Variants in KIAA1671 observed in about 807,000 individuals in gnomAD.
The protein encoded by KIAA1671 is KIAA1671.
A neutral mutation model predicts 131.2 loss-of-function variants in KIAA1671; 52 were observed. That is an observed-to-expected ratio of 0.40 (90% CI 0.32 to 0.50). The LOEUF is 0.50. KIAA1671 is among the 20% of genes least tolerant of loss of function. The pLI is 0.73. For missense variants in KIAA1671, 2,360 were observed against 2,364.2 expected (o/e 1.00, Z 0.04); for synonymous variants, 1,003 against 961.6 (o/e 1.04, Z -0.80).
chr22:25,081,096 A>C (rs755252824), intron 6 of KIAA1671, among the ~76,000 whole-genome samples: 1 of 152,216 alleles, frequency 6.6e-6, no homozygotes, highest in Admixed American at 6.5e-5. Context: ...GCAAGGCAGA[A>C]GCTTGGGAGG....
At chr22:25,144,154 C>T (rs1052358211) in intron 6 of KIAA1671, among the ~76,000 whole-genome samples, 1 of 152,168 alleles carries the variant, frequency 6.6e-6, no homozygotes, top group East Asian at 1.9e-4. Flanking sequence ...CTTTCTCCTG[C>T]CCCTTCCCTT....
rs577953925 is a variant in KIAA1671, at chr22:24,979,354, A to ATTTTT, written c.-208+26585_-208+26586insTTTTT. On this transcript the variant is annotated intron_variant, in intron 1 of 12. Coordinates refer to ENST00000358431, the MANE Select transcript of KIAA1671 (RefSeq NM_001145206.2). Reference sequence around the variant, plus strand: ...ATTTATTTTATTTATTTATTTATTTATTTATTTTTTTTTGAGACGGAGTCT... The same window carrying ATTTTT: ...ATTTATTTTATTTATTTATTTATTTATTTTTTTTATTTTTTTTTGAGACGGAGTCT... Among the ~76,000 whole-genome samples, 8 of 117,846 alleles carry ATTTTT rather than the reference A, an allele frequency of 6.8e-5. No individual in the cohort carries two copies. The South Asian group carries it at 7.7e-4, about 11-fold the overall frequency. The allele number at this position is 117,846 out of a possible 152,430, so 77.3% of individuals were successfully genotyped here. A position where few individuals can be genotyped will look rare whatever the true frequency, so the allele number is the denominator to read the frequency against.
chr22:25,015,511 G>A (rs903137475), intron 1 of KIAA1671, among the ~76,000 whole-genome samples: 2 of 152,120 alleles, frequency 1.3e-5, no homozygotes, highest in Non-Finnish European at 2.9e-5. Context: ...AAGCAGAGGG[G>A]TAAAGATAAG....
intron 1 of KIAA1671, among the ~76,000 whole-genome samples, chr22:24,994,889 G>A (rs1222054634): frequency 6.6e-6 from 1 of 151,862 alleles, no homozygotes; most frequent in Non-Finnish European, 1.5e-5. Context: ...TGCATCTTTT[G>A]GGATGGAGTT....
chr22:24,971,921 G>A (rs913653406), intron 1 of KIAA1671, among the ~76,000 whole-genome samples: 1 of 152,114 alleles, frequency 6.6e-6, no homozygotes, highest in African/African-American at 2.4e-5. Flanking sequence ...CATGTTCCAG[G>A]GTGTGTCTAG....
intron 5 of KIAA1671, among the ~76,000 whole-genome samples, chr22:25,047,259 G>A (rs1318239761): frequency 7.1e-6 from 1 of 140,064 alleles, no homozygotes; most frequent in Non-Finnish European, 1.5e-5. Context: ...CAAGCAATTC[G>A]CCTGCCTCAG....
intron 6 of KIAA1671, among the ~76,000 whole-genome samples, chr22:25,146,450 T>A (rs1309158054): frequency 6.6e-6 from 1 of 152,242 alleles, no homozygotes; most frequent in Non-Finnish European, 1.5e-5. Flanking sequence ...ACTGACATGT[T>A]ATTTATCATG....
At chr22:25,002,586 C>T (rs1924534849) in intron 1 of KIAA1671, among the ~76,000 whole-genome samples, 1 of 152,130 alleles carries the variant, frequency 6.6e-6, no homozygotes, top group Non-Finnish European at 1.5e-5. Context: ...CTGCAGATGT[C>T]CTCAGGCCAC....
chr22:25,078,496 C>G (rs1263140953), intron 6 of KIAA1671, among the ~76,000 whole-genome samples: 2 of 152,058 alleles, frequency 1.3e-5, no homozygotes, highest in Non-Finnish European at 2.9e-5. Flanking sequence ...ACCACTGCTT[C>G]CCAGCCTGGG....
chr22:25,127,828 A>T (rs1932255397), intron 6 of KIAA1671, among the ~76,000 whole-genome samples: 1 of 152,230 alleles, frequency 6.6e-6, no homozygotes, highest in Non-Finnish European at 1.5e-5. Context: ...TAATCTTTTC[A>T]TGGGATGCGG....
chr22:25,058,424 G>A (rs1260175094), intron 6 of KIAA1671: 1 of 152,104 alleles, frequency 6.6e-6, no homozygotes, highest in Non-Finnish European at 1.5e-5. Flanking sequence ...CCAGGATGTA[G>A]TATCAGACTT....
intron 1 of KIAA1671, among the ~76,000 whole-genome samples, chr22:24,989,108 C>T (rs574795909): frequency 7.2e-5 from 11 of 152,216 alleles, no homozygotes; most frequent in African/African-American, 2.6e-4. Context: ...GTTCTGGTTT[C>T]CCCTGGTTTC....
chr22:25,034,215 T>G (rs1014224265), intron 4 of KIAA1671, among the ~76,000 whole-genome samples: 32 of 152,076 alleles, frequency 2.1e-4, no homozygotes, highest in Non-Finnish European at 4.1e-4. Context: ...CTGGCTAATT[T>G]TTGCATTTTT....
intron 1 of KIAA1671, among the ~76,000 whole-genome samples, chr22:25,003,001 A>C (rs936926480): frequency 2.0e-5 from 3 of 152,114 alleles, no homozygotes; most frequent in African/African-American, 7.2e-5. Flanking sequence ...CGAACTCCTG[A>C]GCTCAAAGTG....
intron 1 of KIAA1671, among the ~76,000 whole-genome samples, chr22:24,975,551 A>T (rs1327000001): frequency 6.6e-6 from 1 of 152,056 alleles, no homozygotes; most frequent in Non-Finnish European, 1.5e-5. Context: ...CAAGTGCTGA[A>T]ATTACAGCTG....
chr22:24,967,051 C>T (rs186305794), intron 1 of KIAA1671, among the ~76,000 whole-genome samples: 50 of 152,244 alleles, frequency 3.3e-4, no homozygotes, highest in African/African-American at 1.1e-3. Context: ...TGAGTATACC[C>T]CCTCCCCTCT....
intron 6 of KIAA1671, among the ~76,000 whole-genome samples, chr22:25,119,430 T>A (rs986106592): frequency 1.1e-4 from 17 of 152,166 alleles, no homozygotes; most frequent in Non-Finnish European, 2.5e-4. Flanking sequence ...ATAATGGTAA[T>A]AAAAACCACT....
rs1923629831 is a variant in KIAA1671 at position 24,987,763 on chromosome 22, C to T, written c.-208+34991C>T. Reference sequence around the variant, plus strand: ...TGCACCACCAATCCTGGCTAAATGACAGCTAGTCTGATAGACTCCTGCTAG... The same window carrying T: ...TGCACCACCAATCCTGGCTAAATGATAGCTAGTCTGATAGACTCCTGCTAG... On this transcript the variant is annotated intron_variant, in intron 1 of 12. Coordinates refer to ENST00000358431, the MANE Select transcript of KIAA1671 (RefSeq NM_001145206.2). Among the ~76,000 whole-genome samples the T allele has an allele frequency of 2.0e-5, 3 of 152,348 alleles. No individual in the cohort carries two copies. In the South Asian group the frequency reaches 6.2e-4, roughly 32 times the overall value.
chr22:25,049,895 C>CA (rs2145820467), intron 6 of KIAA1671: 1 of 152,844 alleles, frequency 6.5e-6, no homozygotes, highest in South Asian at 2.1e-4. Context: ...TGCCTGGGTT[C>CA]AAGTCCCGGA....
Sources: allele counts gnomAD v4.1 joint callset (sites outside exome capture counted in the v4.1 genomes callset), GRCh38; gene constraint gnomAD v4.1.1; transcripts MANE v1.5; gene names NCBI Gene and HGNC (gene_info 2026-07-23, HGNC 2026-07-21).